The following PHYHIPL variants were observed in gnomAD, a reference collection of about 807,000 sequenced individuals.
The protein encoded by PHYHIPL is phytanoyl-CoA 2-hydroxylase interacting protein like, also known as phytanoyl-CoA hydroxylase-interacting protein-like.
PHYHIPL carries 9 observed loss-of-function variants against 33.4 expected under a neutral mutation model. The ratio of observed to expected loss-of-function variants is 0.27; its 90% CI spans 0.16 to 0.47. The LOEUF is 0.47. Among genes scored for constraint, PHYHIPL ranks in the 20% least tolerant of loss-of-function variants. The pLI, the probability that PHYHIPL is intolerant of heterozygous loss-of-function variation, is 0.99. For missense variants in PHYHIPL, 365 were observed against 460.7 expected, an observed-to-expected ratio of 0.79 and a Z score of 1.90; for synonymous variants, 153 against 154.1, an observed-to-expected ratio of 0.99 and a Z score of 0.05.
chr10:59,235,552 A>T (rs1840204130), intron 2 of PHYHIPL, among the ~76,000 whole-genome samples: 1 of 151,922 alleles, frequency 6.6e-6, no homozygotes. Flanking sequence ...TACATACTAC[A>T]GATAAGTGTG....
chr10:59,243,325 A>AGAT (rs540909895), intron 4 of PHYHIPL, among the ~76,000 whole-genome samples: 6 of 152,340 alleles, frequency 3.9e-5, no homozygotes, highest in African/African-American at 1.4e-4. Flanking sequence ...AAGGGAATTA[A>AGAT]GATATGCTCA....
intron 1 of PHYHIPL, among the ~76,000 whole-genome samples, chr10:59,213,904 C>T (rs574911342): frequency 9.2e-5 from 14 of 152,218 alleles, no homozygotes; most frequent in Admixed American, 7.2e-4. Context: ...ACTATGGGTA[C>T]GACCACTAGT....
At chr10:59,208,216 T>C (rs1839343469) in intron 1 of PHYHIPL, among the ~76,000 whole-genome samples, 1 of 152,258 alleles carries the variant, frequency 6.6e-6, no homozygotes, top group African/African-American at 2.4e-5. Context: ...AGGAAGCTTC[T>C]AGAGGAAGGA....
chr10:59,183,143 T>C lies in PHYHIPL; in HGVS notation c.106+6184T>C, dbSNP rs527969798. ...CCCACTGATATTCTTTTGAGGCTTT[T>C]TTTTTTCTTCATTCTCACTCCTCAA... On this transcript the variant is annotated intron_variant, in intron 1 of 4. Coordinates refer to ENST00000373880, the MANE Select transcript of PHYHIPL (RefSeq NM_032439.4). 2.0e-5 allele frequency among the ~76,000 whole-genome samples: 3 copies of C among 152,188 alleles called. No homozygotes were observed. In the East Asian group the frequency reaches 5.8e-4, roughly 29 times the overall value.
At chr10:59,180,314 GTA>G (rs35898292) in intron 1 of PHYHIPL, among the ~76,000 whole-genome samples, 1,812 of 85,518 alleles carry the variant, frequency 0.021, 25 homozygotes, top group Non-Finnish European at 0.025. Context: ...TATAGAAAAA[GTA>G]TATATATATA....
intron 1 of PHYHIPL, among the ~76,000 whole-genome samples, chr10:59,185,342 A>AT (rs1205377843): frequency 6.6e-6 from 1 of 151,988 alleles, no homozygotes; most frequent in Non-Finnish European, 1.5e-5. Flanking sequence ...TATGTGCCAC[A>AT]TTTTCTTAAT....
At chr10:59,242,806 A>G (rs1840449896) in intron 4 of PHYHIPL, among the ~76,000 whole-genome samples, 1 of 152,192 alleles carries the variant, frequency 6.6e-6, no homozygotes, top group Admixed American at 6.5e-5. Context: ...TCAAGAGGAC[A>G]AAGAGAAAAA....
At chr10:59,176,280 G>A (rs1463603702), upstream of PHYHIPL, among the ~76,000 whole-genome samples, 1 of 152,150 alleles carries the variant, frequency 6.6e-6, no homozygotes, top group Non-Finnish European at 1.5e-5. Context: ...TCGCCTCCCC[G>A]TGCAGACGCC....
chr10:59,234,223 T>A, intron 1 of PHYHIPL, 81 bp from the exon 2 acceptor site: 1 of 1,116,880 alleles, frequency 9.0e-7, no homozygotes, highest in South Asian at 1.6e-5. Flanking sequence ...TACTTTTTAT[T>A]GGTAATAAAT....
intron 4 of PHYHIPL, 23 bp downstream of exon 4, chr10:59,238,728 G>A: frequency 7.0e-7 from 1 of 1,438,130 alleles, no homozygotes; most frequent in Non-Finnish European, 9.8e-7. Flanking sequence ...AATATATAGT[G>A]ATTTGTTTTA....
chr10:59,209,313 A>G (rs1200392614), intron 1 of PHYHIPL, among the ~76,000 whole-genome samples: 2 of 152,162 alleles, frequency 1.3e-5, no homozygotes, highest in Non-Finnish European at 2.9e-5. Context: ...CCAGAATTTC[A>G]TATCCAGCCA....
chr10:59,176,895 C>A lies in PHYHIPL; in HGVS notation c.42C>A (p.Thr14=). ...PRLDHALNSP[T]SPCEEVIKNL... is the part of the protein sequence containing the mutation. ...TGGATCATGCCCTCAACAGCCCCAC[C>A]AGCCCCTGTGAGGAGGTGATCAAAA... Residue 14 remains threonine, a synonymous_variant, in exon 1 of 5, where the codon ACC becomes ACA. Coordinates refer to ENST00000373880, the MANE Select transcript of PHYHIPL (RefSeq NM_032439.4). The A allele has an allele frequency of 6.2e-7, 1 of 1,613,732 alleles. No individual in the cohort carries two copies. Among genetic ancestry groups the A allele is most frequent in the Non-Finnish European group, 8.5e-7 (1 of 1,179,842 alleles).
At chr10:59,175,650 T>C (rs569820682), upstream of PHYHIPL, among the ~76,000 whole-genome samples, 1 of 152,188 alleles carries the variant, frequency 6.6e-6, no homozygotes, top group Non-Finnish European at 1.5e-5. Flanking sequence ...TTTAAAACGT[T>C]TGCACATCCA....
At chr10:59,197,621 T>C (rs1331539423) in intron 1 of PHYHIPL, among the ~76,000 whole-genome samples, 1 of 152,224 alleles carries the variant, frequency 6.6e-6, no homozygotes, top group Non-Finnish European at 1.5e-5. Context: ...TCCCTGCTTT[T>C]ACTCTTCTTT....
intron 1 of PHYHIPL, among the ~76,000 whole-genome samples, chr10:59,182,870 C>T (rs1036634581): frequency 6.6e-6 from 1 of 152,010 alleles, no homozygotes; most frequent in African/African-American, 2.4e-5. Flanking sequence ...GGAGTAACTT[C>T]AGGATTTTAA....
chr10:59,201,632 G>A (rs1798284678), intron 1 of PHYHIPL, among the ~76,000 whole-genome samples: 1 of 152,034 alleles, frequency 6.6e-6, no homozygotes, highest in Non-Finnish European at 1.5e-5. Context: ...CATTTTGTTA[G>A]AGGCTGTCAG....
intron 1 of PHYHIPL, among the ~76,000 whole-genome samples, chr10:59,221,096 AGACTC>A (rs887541655): frequency 8.8e-4 from 134 of 152,142 alleles, no homozygotes; most frequent in African/African-American, 3.1e-3. Flanking sequence ...TGCCTGGACT[AGACTC>A]TAATGTCTAA....
At chr10:59,213,378 C>A (rs140184065) in intron 1 of PHYHIPL, among the ~76,000 whole-genome samples, 1 of 152,192 alleles carries the variant, frequency 6.6e-6, no homozygotes, top group African/African-American at 2.4e-5. Flanking sequence ...TTTTCCTAAC[C>A]AAATCATTCT....
intron 1 of PHYHIPL, among the ~76,000 whole-genome samples, chr10:59,224,497 A>AAACAAAAC (rs370140471): frequency 2.8e-5 from 2 of 70,410 alleles, no homozygotes; most frequent in Admixed American, 1.8e-4. Flanking sequence ...AAACAAAACA[A>AAACAAAAC]AAAACAAAAC....
Sources: allele counts gnomAD v4.1 joint callset (sites outside exome capture counted in the v4.1 genomes callset), GRCh38; gene constraint gnomAD v4.1.1; transcripts MANE v1.5; gene names NCBI Gene and HGNC (gene_info 2026-07-23, HGNC 2026-07-21).